Variants in FBXL17 observed in about 807,000 individuals in gnomAD.
FBXL17 encodes the protein F-box/LRR-repeat protein 17.
Under a neutral mutation model 66.2 loss-of-function variants are expected in FBXL17, and 22 were observed. The ratio of observed to expected loss-of-function variants is 0.33; its 90% CI spans 0.24 to 0.47. The LOEUF is 0.47. Among genes scored for constraint, FBXL17 ranks in the 20% least tolerant of loss-of-function variants. The pLI, the probability that FBXL17 is intolerant of heterozygous loss-of-function variation, is 1.00. For missense variants in FBXL17, 878 were observed against 948.2 expected (o/e 0.93, Z 0.97); for synonymous variants, 474 against 400.5 (o/e 1.18, Z -2.19).
intron 3 of FBXL17, among the ~76,000 whole-genome samples, chr5:108,361,744 C>T (rs188739609): frequency 6.6e-6 from 1 of 152,212 alleles, no homozygotes; most frequent in East Asian, 1.9e-4. Context: ...ACTAATTTTC[C>T]TCCCTGACTG....
At chr5:108,025,071 C>T (rs183464093) in intron 6 of FBXL17, among the ~76,000 whole-genome samples, 1 of 152,224 alleles carries the variant, frequency 6.6e-6, no homozygotes, top group Non-Finnish European at 1.5e-5. Context: ...GTCTCCTACT[C>T]AAAAGCTAGA....
intron 6 of FBXL17, among the ~76,000 whole-genome samples, chr5:108,088,700 C>CAAAAAAAAAAAAAAAAAAAAA (rs57707936): frequency 2.0e-5 from 1 of 49,346 alleles, no homozygotes; most frequent in African/African-American, 8.7e-5. Context: ...GACTCTATCT[C>CAAAAAAAAAAAAAAAAAAAAA]AAAAAAAAAA....
intron 8 of FBXL17, among the ~76,000 whole-genome samples, chr5:107,870,591 C>CT (rs1312573602): frequency 2.8e-3 from 407 of 143,640 alleles, no homozygotes; most frequent in Middle Eastern, 0.014. Context: ...TATTTAATAC[C>CT]TTTTTTTTTT....
chr5:107,872,635 T>C (rs1268526081), intron 8 of FBXL17, among the ~76,000 whole-genome samples: 1 of 152,086 alleles, frequency 6.6e-6, no homozygotes, highest in Non-Finnish European at 1.5e-5. Flanking sequence ...CCTGGTAATA[T>C]AACATAGAAG....
At chr5:107,907,144 C>T (rs1749787014) in intron 7 of FBXL17, among the ~76,000 whole-genome samples, 1 of 152,162 alleles carries the variant, frequency 6.6e-6, no homozygotes, top group East Asian at 1.9e-4. Flanking sequence ...TCCTCTACCT[C>T]TCCTTGACCA....
At chr5:108,015,499 GA>G (rs1461759407) in intron 7 of FBXL17, among the ~76,000 whole-genome samples, 1 of 151,862 alleles carries the variant, frequency 6.6e-6, no homozygotes, top group Non-Finnish European at 1.5e-5. Flanking sequence ...AATATAAAAT[GA>G]AAAAAACAGG....
intron 4 of FBXL17, among the ~76,000 whole-genome samples, chr5:108,235,574 G>T (rs1422827626): frequency 6.6e-6 from 1 of 152,180 alleles, no homozygotes; most frequent in Non-Finnish European, 1.5e-5. Context: ...GATCTTTCAA[G>T]AAGCACAAAT....
chr5:108,352,243 T>C (rs563120014), intron 3 of FBXL17, among the ~76,000 whole-genome samples: 32 of 152,342 alleles, frequency 2.1e-4, no homozygotes, highest in African/African-American at 7.5e-4. Flanking sequence ...AATCAGTGCC[T>C]ATCTGCACTA....
intron 4 of FBXL17, among the ~76,000 whole-genome samples, chr5:108,321,930 C>T (rs185227886): frequency 1.1e-3 from 171 of 151,926 alleles, no homozygotes; most frequent in African/African-American, 3.9e-3. Flanking sequence ...GAAACCCAAA[C>T]GGTTTTTAAA....
intron 7 of FBXL17, among the ~76,000 whole-genome samples, chr5:107,954,841 T>C (rs754816771): frequency 6.6e-6 from 1 of 152,166 alleles, no homozygotes; most frequent in African/African-American, 2.4e-5. Flanking sequence ...AAGAAGGTTA[T>C]AGGAAATTCC....
At chr5:108,227,575 A>G (rs915872621) in intron 4 of FBXL17, among the ~76,000 whole-genome samples, 12 of 152,202 alleles carry the variant, frequency 7.9e-5, no homozygotes, top group African/African-American at 2.4e-4. Context: ...AGCATGGGTG[A>G]CTCTTTTTGT....
At chr5:108,269,336 T>C (rs1757171377) in intron 4 of FBXL17, among the ~76,000 whole-genome samples, 1 of 152,062 alleles carries the variant, frequency 6.6e-6, no homozygotes, top group African/African-American at 2.4e-5. Context: ...CCTTACACTG[T>C]TATGCAAGCG....
chr5:108,250,935 C>T (rs963222006), intron 4 of FBXL17, among the ~76,000 whole-genome samples: 1 of 152,030 alleles, frequency 6.6e-6, no homozygotes, highest in Admixed American at 6.6e-5. Context: ...AATAGCTACA[C>T]AGTATTCTAT....
intron 6 of FBXL17, among the ~76,000 whole-genome samples, chr5:108,144,465 G>A (rs1451231368): frequency 6.6e-6 from 1 of 152,076 alleles, no homozygotes; most frequent in African/African-American, 2.4e-5. Flanking sequence ...TTAAAAATCT[G>A]ATATAAAAAC....
Position 108,377,351 on chromosome 5 carries a change from T to TG in FBXL17, c.993+3347dup, listed in dbSNP as rs201040738. ...TAGCTACTCTTCCACTCACCCCAAC[T>TG]GGCACTACAACCTTAAACTAGCAAA... On this transcript the variant is annotated intron_variant, in intron 1 of 8. Coordinates refer to ENST00000542267, the MANE Select transcript of FBXL17 (RefSeq NM_001163315.3). 3.9e-3 allele frequency among the ~76,000 whole-genome samples: 590 copies of TG among 152,350 alleles called. 8 individuals carry two copies. The highest frequency in any genetic ancestry group is 0.013 in the African/African-American group (559 of 41,588).
chr5:108,319,473 A>C (rs1005771538), intron 4 of FBXL17, among the ~76,000 whole-genome samples: 5 of 151,810 alleles, frequency 3.3e-5, no homozygotes, highest in Admixed American at 6.6e-5. Context: ...ACAAAAAAAC[A>C]ATATTTTTCA....
rs992818668 is a variant in FBXL17 at position 107,901,987 on chromosome 5, A to G, written c.1823-20808T>C. On this transcript the variant is annotated intron_variant, in intron 7 of 8. Transcript: ENST00000542267. ...TTGAATTCTTCAAGAGAGACTTGAA[A>G]TAGACTTTTAAAAATGTGAATTACC... is the stretch of plus-strand genomic sequence containing the variant. Among the ~76,000 whole-genome samples, 3 of 152,224 alleles carry G rather than the reference A, an allele frequency of 2.0e-5. No individual in the cohort carries two copies. In the South Asian group the frequency reaches 6.2e-4, roughly 32 times the overall value.
In FBXL17 at chr5:108,158,680, G is replaced by C. The variant is rs150768135; in HGVS notation, c.1745+27437C>G. ...GGTGACATACAGACCAAGGATTAAAGATCCTAAAATCAATTCATCCAAAAT... is the reference window on the plus strand; with the variant it reads ...GGTGACATACAGACCAAGGATTAAACATCCTAAAATCAATTCATCCAAAAT... On this transcript the variant is annotated intron_variant, in intron 6 of 8. Transcript: ENST00000542267. 4.1e-3 allele frequency among the ~76,000 whole-genome samples: 624 copies of C among 152,226 alleles called. 2 individuals carry two copies. The highest frequency in any genetic ancestry group is 0.014 in the African/African-American group (596 of 41,532).
intron 7 of FBXL17, among the ~76,000 whole-genome samples, chr5:107,971,460 C>T (rs1752371069): frequency 6.6e-6 from 1 of 152,132 alleles, no homozygotes; most frequent in Non-Finnish European, 1.5e-5. Flanking sequence ...ATTTCTTAAC[C>T]ACTTAATACG....
Sources: gnomAD v4.1 joint callset for allele counts (sites outside exome capture counted in the v4.1 genomes callset) on GRCh38, gnomAD v4.1.1 for gene constraint, MANE v1.5 for transcripts, NCBI Gene and HGNC (gene_info 2026-07-23, HGNC 2026-07-21) for gene names.